RBFOX1: variants seen among roughly 807,000 people sequenced by gnomAD.
RBFOX1 encodes RNA binding protein fox-1 homolog 1.
A neutral mutation model predicts 57.7 loss-of-function variants in RBFOX1; 8 were observed. That is an observed-to-expected ratio of 0.14 (90% CI 0.08 to 0.25). RBFOX1 has a LOEUF of 0.25. Ranked by LOEUF, RBFOX1 falls within the 10% of genes least tolerant of loss-of-function variation. RBFOX1 has a pLI of 1.00. For synonymous variants in RBFOX1, 326 were observed against 222.4 expected (o/e 1.47, Z -4.15); for missense variants, 611 against 548.5 (o/e 1.11, Z -1.14).
At chr16:6,188,231 G>A (rs1040071850) in intron 1 of RBFOX1, among the ~76,000 whole-genome samples, 2 of 152,056 alleles carry the variant, frequency 1.3e-5, no homozygotes, top group Non-Finnish European at 2.9e-5. Context: ...AGGGTCAATA[G>A]TTTACGTCTA....
rs562274235 is a variant in RBFOX1 at position 7,438,471 on chromosome 16, G to C, written c.28-79676G>C. Among the ~76,000 whole-genome samples the C allele has an allele frequency of 3.3e-5, 5 of 152,192 alleles. No individual in the cohort carries two copies. In the South Asian group the frequency reaches 1.0e-3, roughly 32 times the overall value. On this transcript the variant is annotated intron_variant, in intron 4 of 15. Coordinates refer to ENST00000550418, the MANE Select transcript of RBFOX1 (RefSeq NM_018723.4). ...GAAGGTAATCAAGGAGAGATGGCGG[G>C]ACAATAACTGCTCTGGGGATCAGAC... is the stretch of plus-strand genomic sequence containing the variant.
chr16:6,969,379 T>G (rs1018498837), intron 3 of RBFOX1, among the ~76,000 whole-genome samples: 3 of 151,882 alleles, frequency 2.0e-5, no homozygotes, highest in Admixed American at 2.0e-4. Context: ...CTTAAAAATT[T>G]GGATATTTTG....
chr16:7,494,114 A>G (rs1443702472), intron 4 of RBFOX1, among the ~76,000 whole-genome samples: 1 of 152,172 alleles, frequency 6.6e-6, no homozygotes, highest in East Asian at 1.9e-4. Context: ...TGGGGGAGCT[A>G]TAATAGATAA....
intron 2 of RBFOX1, among the ~76,000 whole-genome samples, chr16:6,331,438 A>G (rs2083013069): frequency 1.1e-5 from 1 of 95,092 alleles, no homozygotes; most frequent in Non-Finnish European, 2.4e-5. Context: ...CAGAATGAAG[A>G]AAAAAAGTCT....
chr16:6,985,759 A>AG (rs1018198131), intron 3 of RBFOX1, among the ~76,000 whole-genome samples: 34 of 146,316 alleles, frequency 2.3e-4, no homozygotes, highest in African/African-American at 8.2e-4. Context: ...GCTTGAACCC[A>AG]GGAGGCAGAG....
At chr16:5,243,342 AG>A (rs2151061832) in intron 1 of RBFOX1, among the ~76,000 whole-genome samples, 1 of 152,318 alleles carries the variant, frequency 6.6e-6, no homozygotes, top group South Asian at 2.1e-4. Context: ...ACCAGATAAA[AG>A]CATCCAGGGT....
chr16:7,250,926 A>G (rs994264313), intron 4 of RBFOX1, among the ~76,000 whole-genome samples: 3 of 152,254 alleles, frequency 2.0e-5, no homozygotes, highest in Non-Finnish European at 4.4e-5. Flanking sequence ...ATCATGTACA[A>G]CATGACGTTT....
chr16:6,536,722 C>T (rs574163004), intron 2 of RBFOX1, among the ~76,000 whole-genome samples: 5 of 152,134 alleles, frequency 3.3e-5, no homozygotes, highest in East Asian at 3.9e-4. Flanking sequence ...CCCAACAAGT[C>T]AAGATGGCTT....
At chr16:5,579,227 G>A (rs1431693070) in intron 2 of RBFOX1, among the ~76,000 whole-genome samples, 2 of 151,990 alleles carry the variant, frequency 1.3e-5, no homozygotes, top group South Asian at 2.1e-4. Flanking sequence ...GGATCGCCAG[G>A]CTCAGTAAAT....
At chr16:6,904,848 T>C (rs1477105084) in intron 3 of RBFOX1, among the ~76,000 whole-genome samples, 2 of 152,110 alleles carry the variant, frequency 1.3e-5, no homozygotes, top group Admixed American at 6.5e-5. Context: ...AGAATTGTTT[T>C]GTTCTGCGTT....
chr16:6,501,012 G>A (rs2095901296), intron 2 of RBFOX1, among the ~76,000 whole-genome samples: 1 of 151,436 alleles, frequency 6.6e-6, no homozygotes, highest in African/African-American at 2.4e-5. Context: ...TCCTCCCAGA[G>A]CTACTTCAGC....
intron 2 of RBFOX1, among the ~76,000 whole-genome samples, chr16:6,616,353 A>G (rs2098140637): frequency 6.6e-6 from 1 of 151,908 alleles, no homozygotes; most frequent in Non-Finnish European, 1.5e-5. Context: ...GCCCAGTGAT[A>G]GTGACTCAAA....
At chr16:6,976,100 C>T (rs2086777324) in intron 3 of RBFOX1, among the ~76,000 whole-genome samples, 1 of 152,058 alleles carries the variant, frequency 6.6e-6, no homozygotes, top group Admixed American at 6.6e-5. Context: ...GCAGTTCAGC[C>T]TGGGCGACAG....
At chr16:6,586,636 C>T (rs2097625072) in intron 2 of RBFOX1, among the ~76,000 whole-genome samples, 2 of 152,160 alleles carry the variant, frequency 1.3e-5, no homozygotes, top group South Asian at 4.1e-4. Flanking sequence ...TTCTGTATGC[C>T]ATGTATTTTC....
At chr16:6,090,184 C>A in intron 1 of RBFOX1, 1 of 152,136 alleles carries the variant, frequency 6.6e-6, no homozygotes, top group East Asian at 1.9e-4. Flanking sequence ...TCTTCTGCCT[C>A]CCTCTTCTAG....
chr16:6,447,589 G>A (rs1359915483), intron 2 of RBFOX1, among the ~76,000 whole-genome samples: 2 of 152,214 alleles, frequency 1.3e-5, no homozygotes, highest in East Asian at 1.9e-4. Flanking sequence ...TCTGTGTGTC[G>A]CTATATGCAT....
chr16:7,288,621 A>C (rs138309506), intron 4 of RBFOX1, among the ~76,000 whole-genome samples: 338 of 152,306 alleles, frequency 2.2e-3, no homozygotes, highest in African/African-American at 7.1e-3. Context: ...TGGGCAGATC[A>C]CTTGAGGTCA....
At chr16:7,126,231 C>A (rs1054262683) in intron 4 of RBFOX1, 3 of 200,616 alleles carry the variant, frequency 1.5e-5, no homozygotes, top group African/African-American at 7.1e-5. Flanking sequence ...ATATTAAGTA[C>A]AATTTCCATT....
At chr16:6,296,046 C>A (rs1299311724) in intron 1 of RBFOX1, among the ~76,000 whole-genome samples, 1 of 152,228 alleles carries the variant, frequency 6.6e-6, no homozygotes, top group East Asian at 1.9e-4. Flanking sequence ...GTAAAGGAAG[C>A]TGAGCCCAGG....
Sources: gnomAD v4.1 joint callset for allele counts (sites outside exome capture counted in the v4.1 genomes callset) on GRCh38, gnomAD v4.1.1 for gene constraint, MANE v1.5 for transcripts, NCBI Gene and HGNC (gene_info 2026-07-23, HGNC 2026-07-21) for gene names.